Variants in PTPRT observed in about 807,000 individuals in gnomAD.
PTPRT encodes protein tyrosine phosphatase receptor type T.
In PTPRT, 56 loss-of-function variants were observed where a neutral mutation model predicts 176.8. That is an observed-to-expected ratio of 0.32 (90% CI 0.26 to 0.40). PTPRT has a LOEUF of 0.40. Ranked by LOEUF, PTPRT falls within the 10% of genes least tolerant of loss-of-function variation. PTPRT has a pLI of 1.00. For missense variants in PTPRT, 1,540 were observed against 1,908.2 expected (o/e 0.81, Z 3.60); for synonymous variants, 783 against 739.0 (o/e 1.06, Z -0.96).
At chr20:42,363,237 C>T (rs1455460986) in intron 9 of PTPRT, among the ~76,000 whole-genome samples, 1 of 140,356 alleles carries the variant, frequency 7.1e-6, no homozygotes. Context: ...CACACCCCTC[C>T]ACCCCTCACA....
At chr20:42,550,098 C>A (rs1263282701) in intron 7 of PTPRT, among the ~76,000 whole-genome samples, 1 of 152,114 alleles carries the variant, frequency 6.6e-6, no homozygotes, top group Non-Finnish European at 1.5e-5. Context: ...TATTGAATAG[C>A]TATCGCTTTG....
chr20:43,027,206 G>A (rs6030608), intron 1 of PTPRT, among the ~76,000 whole-genome samples: 9 of 152,244 alleles, frequency 5.9e-5, no homozygotes, highest in South Asian at 4.2e-4. Context: ...AGCCAGGCAC[G>A]GTGATTCACG....
intron 7 of PTPRT, among the ~76,000 whole-genome samples, chr20:42,479,868 T>C (rs184370336): frequency 1.3e-5 from 2 of 152,216 alleles, no homozygotes; most frequent in Non-Finnish European, 2.9e-5. Context: ...GCCTGTATTA[T>C]CATAGATATC....
chr20:42,643,076 G>A lies in PTPRT; in HGVS notation c.1153+34790C>T, dbSNP rs1201537805. Among the ~76,000 whole-genome samples, 4 of 152,292 alleles carry A rather than the reference G, an allele frequency of 2.6e-5. No individual in the cohort carries two copies. The South Asian group carries it at 6.2e-4, about 24-fold the overall frequency. On this transcript the variant is annotated intron_variant, in intron 7 of 30. Transcript: ENST00000373187. Reference sequence around the variant, plus strand: ...TGGAGTCACCCAGCTGAAGCCACCTGAGACCATCTAGTTCCAGCTGACCTG... The same window carrying A: ...TGGAGTCACCCAGCTGAAGCCACCTAAGACCATCTAGTTCCAGCTGACCTG...
At chr20:42,849,756 C>A (rs564162518) in intron 2 of PTPRT, among the ~76,000 whole-genome samples, 1 of 152,152 alleles carries the variant, frequency 6.6e-6, no homozygotes, top group South Asian at 2.1e-4. Flanking sequence ...TTACATGAGA[C>A]GATGTGTGTG....
At chr20:42,329,498 C>CATAT (rs1311711362) in intron 11 of PTPRT, among the ~76,000 whole-genome samples, 1 of 141,110 alleles carries the variant, frequency 7.1e-6, no homozygotes, top group African/African-American at 2.7e-5. Context: ...CACACACACA[C>CATAT]ACACATACAC....
chr20:43,035,084 G>A (rs191756268), intron 1 of PTPRT, among the ~76,000 whole-genome samples: 4 of 152,248 alleles, frequency 2.6e-5, no homozygotes, highest in African/African-American at 9.6e-5. Flanking sequence ...ACTACTTCCC[G>A]GTTGGCTGGG....
chr20:42,353,464 C>G (rs955321450), intron 9 of PTPRT, among the ~76,000 whole-genome samples: 1 of 152,170 alleles, frequency 6.6e-6, no homozygotes, highest in Non-Finnish European at 1.5e-5. Context: ...GAAGACCATG[C>G]CCCATGTGAC....
At chr20:42,050,385 GA>G in the PTPRT span, among the ~76,000 whole-genome samples, 1 of 152,178 alleles carries the variant, frequency 6.6e-6, no homozygotes, top group Non-Finnish European at 1.5e-5. Flanking sequence ...CTGAGGGCCA[GA>G]AATATTAAGT....
Position 42,771,057 on chromosome 20 carries a change from C to T in PTPRT, c.684+378G>A, listed in dbSNP as rs186604514. Reference sequence around the variant, plus strand: ...CCCTTATCAAGGGATAAGACAGCATCGTTAGCCCAAGCTGCCCCATTTCGT... The same window carrying T: ...CCCTTATCAAGGGATAAGACAGCATTGTTAGCCCAAGCTGCCCCATTTCGT... On this transcript the variant is annotated intron_variant, in intron 5 of 30. Coordinates refer to ENST00000373187, the MANE Select transcript of PTPRT (RefSeq NM_007050.6). 1.3e-3 allele frequency among the ~76,000 whole-genome samples: 202 copies of T among 152,308 alleles called. 2 individuals are homozygous for T. The highest frequency in any genetic ancestry group is 6.8e-3 in the Middle Eastern group (2 of 294).
At chr20:42,425,241 C>A (rs1400598804) in intron 9 of PTPRT, among the ~76,000 whole-genome samples, 1 of 152,060 alleles carries the variant, frequency 6.6e-6, no homozygotes, top group Admixed American at 6.6e-5. Flanking sequence ...TACTATAACG[C>A]AATGCAGTCA....
At chr20:42,041,587 T>A in the PTPRT span, among the ~76,000 whole-genome samples, 1 of 152,314 alleles carries the variant, frequency 6.6e-6, no homozygotes, top group African/African-American at 2.4e-5. Flanking sequence ...AAGGAAACAG[T>A]TCAGAACATA....
At chr20:42,216,358 A>C (rs998744058) in intron 15 of PTPRT, among the ~76,000 whole-genome samples, 1 of 152,226 alleles carries the variant, frequency 6.6e-6, no homozygotes, top group African/African-American at 2.4e-5. Flanking sequence ...AGGGCCTTAC[A>C]TAGATTTTGG....
chr20:42,755,104 G>A (rs1224841756), intron 6 of PTPRT, among the ~76,000 whole-genome samples: 2 of 152,202 alleles, frequency 1.3e-5, no homozygotes, highest in Admixed American at 6.5e-5. Flanking sequence ...TGACCACCAG[G>A]AAGGGAGGTG....
At chr20:42,448,433 T>C (rs1055167597) in intron 8 of PTPRT, 104 bp from the exon 9 acceptor site, 3 of 832,130 alleles carry the variant, frequency 3.6e-6, no homozygotes, top group Non-Finnish European at 4.1e-6. Context: ...AAGAACCAGA[T>C]AGTAAATATT....
intron 3 of PTPRT, among the ~76,000 whole-genome samples, chr20:42,783,396 T>C (rs2077243069): frequency 6.6e-6 from 1 of 151,866 alleles, no homozygotes. Flanking sequence ...ACCCAAATCA[T>C]TCAAATTAAA....
chr20:43,049,277 A>G (rs1986957244), intron 1 of PTPRT, among the ~76,000 whole-genome samples: 1 of 152,190 alleles, frequency 6.6e-6, no homozygotes, highest in African/African-American at 2.4e-5. Flanking sequence ...AGCAGACCCA[A>G]TTTATATATC....
intron 15 of PTPRT, among the ~76,000 whole-genome samples, chr20:42,212,416 C>CAAAAAAAAAA (rs34652089): frequency 1.1e-5 from 1 of 90,600 alleles, no homozygotes. Flanking sequence ...TCTTTTTTCT[C>CAAAAAAAAAA]AAAAAAAAAA....
intron 9 of PTPRT, among the ~76,000 whole-genome samples, chr20:42,382,590 G>T (rs2058707455): frequency 6.6e-6 from 1 of 152,136 alleles, no homozygotes; most frequent in South Asian, 2.1e-4. Flanking sequence ...ATGGGTGCTA[G>T]GTCCGTGCAG....
Sources: gnomAD v4.1 joint callset for allele counts (sites outside exome capture counted in the v4.1 genomes callset) on GRCh38, gnomAD v4.1.1 for gene constraint, MANE v1.5 for transcripts, NCBI Gene and HGNC (gene_info 2026-07-23, HGNC 2026-07-21) for gene names.